The following AP2B1 variants were observed in gnomAD, a reference collection of about 807,000 sequenced individuals.
AP2B1 encodes AP-2 complex subunit beta.
Under a neutral mutation model 102.0 loss-of-function variants are expected in AP2B1, and 23 were observed. That is an observed-to-expected ratio of 0.23 (90% CI 0.16 to 0.32). AP2B1 has a LOEUF of 0.32. Among genes scored for constraint, AP2B1 ranks in the 10% least tolerant of loss-of-function variants. The pLI, the probability that AP2B1 is intolerant of heterozygous loss-of-function variation, is 1.00. For synonymous variants in AP2B1, 381 were observed against 421.2 expected, an observed-to-expected ratio of 0.90 and a Z score of 1.17; for missense variants, 541 against 1,157.4, an observed-to-expected ratio of 0.47 and a Z score of 7.73.
intron 5 of AP2B1, among the ~76,000 whole-genome samples, chr17:35,617,894 TTATTTG>T (rs1485472873): frequency 6.6e-6 from 1 of 152,230 alleles, no homozygotes; most frequent in Non-Finnish European, 1.5e-5. Context: ...TTATCGATAT[TTATTTG>T]TAGTGTTTTG....
At chr17:35,636,482 T>C (rs2074609761) in intron 10 of AP2B1, 26 bp downstream of exon 10, 9 of 1,550,112 alleles carry the variant, frequency 5.8e-6, no homozygotes, top group Non-Finnish European at 8.0e-6. Flanking sequence ...TTTACCCCTC[T>C]TTCTCAAATT....
intron 19 of AP2B1, among the ~76,000 whole-genome samples, chr17:35,709,621 G>A (rs1276095934): frequency 1.3e-5 from 2 of 152,142 alleles, no homozygotes; most frequent in Admixed American, 6.5e-5. Flanking sequence ...CTGTGTGACT[G>A]GTCAAGGTGA....
chr17:35,668,259 CT>C (rs1210161036), intron 14 of AP2B1, among the ~76,000 whole-genome samples: 1 of 152,084 alleles, frequency 6.6e-6, no homozygotes, highest in Non-Finnish European at 1.5e-5. Context: ...TCCTGACTTC[CT>C]TTTTATTCAC....
intron 3 of AP2B1, among the ~76,000 whole-genome samples, chr17:35,599,968 A>G (rs758238518): frequency 6.6e-6 from 1 of 152,220 alleles, no homozygotes. Context: ...TAATACAATC[A>G]AGTACAAAAA....
At chr17:35,651,284 A>T (rs1043241140) in intron 13 of AP2B1, among the ~76,000 whole-genome samples, 19 of 111,584 alleles carry the variant, frequency 1.7e-4, no homozygotes, top group Non-Finnish European at 2.7e-4. Flanking sequence ...TGTTTTATTT[A>T]AAAAAAAAAG....
At chr17:35,603,920 A>G (rs1196814864) in intron 3 of AP2B1, among the ~76,000 whole-genome samples, 4 of 152,144 alleles carry the variant, frequency 2.6e-5, no homozygotes, top group Admixed American at 6.5e-5. Flanking sequence ...GAAACTGGGC[A>G]CAGTCTGATC....
At chr17:35,615,989 AGT>A (rs1230222033) in intron 5 of AP2B1, among the ~76,000 whole-genome samples, 1 of 152,104 alleles carries the variant, frequency 6.6e-6, no homozygotes, top group Non-Finnish European at 1.5e-5. Context: ...AGTTGGTCTG[AGT>A]GTATTTCTGT....
intron 2 of AP2B1, chr17:35,597,194 G>A (rs2073319161): frequency 2.3e-6 from 1 of 440,470 alleles, no homozygotes. Flanking sequence ...GAACAGTCTT[G>A]AAGGTGGAGG....
intron 2 of AP2B1, among the ~76,000 whole-genome samples, chr17:35,594,576 A>C (rs954838687): frequency 2.0e-5 from 3 of 152,174 alleles, no homozygotes; most frequent in Non-Finnish European, 2.9e-5. Context: ...ATGATTTAAA[A>C]TTTTTTTATC....
At chr17:35,686,971 C>T (rs886538941) in intron 18 of AP2B1, among the ~76,000 whole-genome samples, 11 of 152,166 alleles carry the variant, frequency 7.2e-5, no homozygotes, top group South Asian at 2.1e-4. Context: ...AGCGAGACTC[C>T]GTCTCAAAAA....
At chr17:35,711,979 C>G (rs2076461435) in intron 20 of AP2B1, among the ~76,000 whole-genome samples, 1 of 152,198 alleles carries the variant, frequency 6.6e-6, no homozygotes, top group Non-Finnish European at 1.5e-5. Context: ...GACATTCAGA[C>G]AGGCATCTTT....
At chr17:35,616,138 A>C (rs923352639) in intron 5 of AP2B1, among the ~76,000 whole-genome samples, 1 of 102,740 alleles carries the variant, frequency 9.7e-6, no homozygotes. Flanking sequence ...TTTAAAAAAT[A>C]TCTCTTTTTT....
At chr17:35,696,812 C>T (rs1450052970) in intron 18 of AP2B1, among the ~76,000 whole-genome samples, 2 of 152,214 alleles carry the variant, frequency 1.3e-5, no homozygotes, top group African/African-American at 4.8e-5. Context: ...ATTACCACCT[C>T]CTGCTCCTCT....
At chr17:35,684,667 A>C (rs1259642144) in intron 18 of AP2B1, among the ~76,000 whole-genome samples, 10 of 152,254 alleles carry the variant, frequency 6.6e-5, no homozygotes, top group Admixed American at 6.5e-4. Flanking sequence ...CTATGATGAC[A>C]GTAATGTGTT....
chr17:35,664,104 A>T (rs2075411946), intron 14 of AP2B1, among the ~76,000 whole-genome samples: 2 of 152,124 alleles, frequency 1.3e-5, no homozygotes, highest in South Asian at 4.1e-4. Flanking sequence ...TCCGTTTCCC[A>T]TCTCTTCACC....
chr17:35,692,485 C>T (rs962508782), intron 18 of AP2B1, among the ~76,000 whole-genome samples: 5 of 152,072 alleles, frequency 3.3e-5, no homozygotes, highest in African/African-American at 9.7e-5. Flanking sequence ...GAATTCTGGA[C>T]GTAAAATAGC....
chr17:35,719,526 T>C (rs2085292263), intron 21 of AP2B1, among the ~76,000 whole-genome samples: 1 of 152,248 alleles, frequency 6.6e-6, no homozygotes, highest in African/African-American at 2.4e-5. Context: ...CACATAATAC[T>C]CATAACATTC....
At chr17:35,690,236 C>G (rs748522344) in intron 18 of AP2B1, among the ~76,000 whole-genome samples, 1 of 152,200 alleles carries the variant, frequency 6.6e-6, no homozygotes, top group African/African-American at 2.4e-5. Context: ...TTAAACTAAT[C>G]CAGAGCATTT....
At chr17:35,650,237 A>G (rs768727428) in intron 12 of AP2B1, among the ~76,000 whole-genome samples, 1 of 152,100 alleles carries the variant, frequency 6.6e-6, no homozygotes, top group Non-Finnish European at 1.5e-5. Flanking sequence ...GGCATGAGCC[A>G]CTGCGCCTGG....
Sources: gnomAD v4.1 joint callset for allele counts (sites outside exome capture counted in the v4.1 genomes callset) on GRCh38, gnomAD v4.1.1 for gene constraint, MANE v1.5 for transcripts, NCBI Gene and HGNC (gene_info 2026-07-23, HGNC 2026-07-21) for gene names.